Variants in G3BP2 observed in about 807,000 individuals in gnomAD.
The protein encoded by G3BP2 is ras GTPase-activating protein-binding protein 2.
Under a neutral mutation model 56.7 loss-of-function variants are expected in G3BP2, and 11 were observed. The ratio of observed to expected loss-of-function variants is 0.19; its 90% confidence interval spans 0.12 to 0.32. The LOEUF (loss-of-function observed/expected upper bound fraction) is 0.32, where lower values mean the gene tolerates loss of function less well. G3BP2 is among the 10% of genes least tolerant of loss of function. The probability of loss-of-function intolerance (pLI) is 1.00; values close to 1 mark genes in which losing one functional copy is unlikely to be tolerated. For synonymous variants in G3BP2, 165 were observed against 191.6 expected (o/e 0.86, Z 1.15); for missense variants, 340 against 610.9 (o/e 0.56, Z 4.67).
At chr4:75,709,697 C>T (rs919238847) in intron 3 of G3BP2, among the ~76,000 whole-genome samples, 3 of 151,910 alleles carry the variant, frequency 2.0e-5, no homozygotes, top group African/African-American at 7.3e-5. Flanking sequence ...TGTGGTGGGG[C>T]GGGTTTCAGA....
chr4:75,685,725 G>A (rs962083341), intron 3 of G3BP2, among the ~76,000 whole-genome samples: 1 of 152,056 alleles, frequency 6.6e-6, no homozygotes, highest in African/African-American at 2.4e-5. Context: ...ATAAACTATC[G>A]TGATTATTTT....
At chr4:75,716,085 T>G (rs1719916518) in intron 3 of G3BP2, among the ~76,000 whole-genome samples, 2 of 152,086 alleles carry the variant, frequency 1.3e-5, no homozygotes, top group Admixed American at 1.3e-4. Flanking sequence ...GTCACAGACT[T>G]TGTGCCCCTG....
chr4:75,699,955 G>A (rs1270792685), intron 3 of G3BP2, among the ~76,000 whole-genome samples: 2 of 151,438 alleles, frequency 1.3e-5, no homozygotes, highest in Non-Finnish European at 2.9e-5. Flanking sequence ...ATTTTTTTTA[G>A]TTCTAATCAT....
intron 1 of G3BP2, 172 bp from the exon 2 acceptor site, chr4:75,662,221 A>ATTTTT (rs33965828): frequency 3.5e-6 from 1 of 286,660 alleles, no homozygotes; most frequent in Non-Finnish European, 6.4e-6. Context: ...ACCTGAAATA[A>ATTTTT]TTTTTTTTTT....
chr4:75,714,181 T>C (rs2149112529), intron 3 of G3BP2, among the ~76,000 whole-genome samples: 1 of 152,390 alleles, frequency 6.6e-6, no homozygotes, highest in East Asian at 1.9e-4. Flanking sequence ...AATGGCAATG[T>C]ATCAGTGTTC....
At chr4:75,694,522 C>T (rs1309679829) in intron 3 of G3BP2, among the ~76,000 whole-genome samples, 16 of 152,082 alleles carry the variant, frequency 1.1e-4, no homozygotes, top group African/African-American at 2.7e-4. Flanking sequence ...GAGAATGGCG[C>T]GAACCCGGTA....
upstream of G3BP2, among the ~76,000 whole-genome samples, chr4:75,675,055 T>C (rs1395455898): frequency 6.6e-6 from 1 of 152,018 alleles, no homozygotes; most frequent in East Asian, 1.9e-4. Flanking sequence ...ATTTTATAGA[T>C]GAGAAAACAG....
Position 75,720,837 on chromosome 4 carries a change from AAAT to A in G3BP2, c.-25+37_-25+39del, listed in dbSNP as rs869290409. Reference sequence around the variant, plus strand: ...TAAATAAATAAATAAATAAATAAATAAATAAAAATATTTTGAAGCCTGGGGCAG... The same window carrying A: ...TAAATAAATAAATAAATAAATAAATAAAAAATATTTTGAAGCCTGGGGCAG... On this transcript the variant is annotated intron_variant, in intron 3 of 3. Coordinates refer to the G3BP2 transcript ENST00000499709. Among the ~76,000 whole-genome samples, 591 of 144,644 alleles carry A rather than the reference AAAT, an allele frequency of 4.1e-3. 4 individuals carry two copies. The highest frequency in any genetic ancestry group is 5.0e-3 in the Non-Finnish European group (321 of 64,608). 94.9% of individuals were successfully genotyped at this position (144,644 alleles called of 152,430 possible). A position where few individuals can be genotyped will look rare whatever the true frequency, so the allele number is the denominator to read the frequency against.
upstream of G3BP2, chr4:75,673,434 C>G: frequency 8.1e-7 from 1 of 1,232,338 alleles, no homozygotes; most frequent in East Asian, 3.2e-5. Flanking sequence ...TGCCACCGCC[C>G]CCTCTTATTG....
intron 3 of G3BP2, among the ~76,000 whole-genome samples, chr4:75,714,411 G>C (rs1231053209): frequency 2.0e-5 from 3 of 152,190 alleles, no homozygotes; most frequent in African/African-American, 4.8e-5. Context: ...CAGATCACGT[G>C]AGGTCAGGAG....
chr4:75,699,254 G>A (rs1719238147), intron 3 of G3BP2, among the ~76,000 whole-genome samples: 1 of 152,168 alleles, frequency 6.6e-6, no homozygotes, highest in South Asian at 2.1e-4. Flanking sequence ...TCCCTCTCTA[G>A]CAATCAGTCA....
chr4:75,721,852 GA>G (rs1191053794), intron 2 of G3BP2, among the ~76,000 whole-genome samples: 1 of 152,066 alleles, frequency 6.6e-6, no homozygotes, highest in Admixed American at 6.5e-5. Flanking sequence ...GTTTGGTTTA[GA>G]AAAAGATCAC....
intron 7 of G3BP2, 119 bp downstream of exon 7, chr4:75,654,947 T>C: frequency 1.4e-6 from 1 of 695,820 alleles, no homozygotes; most frequent in African/African-American, 1.8e-5. Flanking sequence ...CACAGCTTCT[T>C]TCATATACAT....
intron 3 of G3BP2, among the ~76,000 whole-genome samples, chr4:75,694,156 AGAG>A (rs1718998088): frequency 6.6e-6 from 1 of 152,234 alleles, no homozygotes; most frequent in Non-Finnish European, 1.5e-5. Flanking sequence ...ACGTGGAAGA[AGAG>A]GATGAGGAGA....
intron 1 of G3BP2, among the ~76,000 whole-genome samples, chr4:75,670,042 G>C (rs1330450488): frequency 6.6e-6 from 1 of 152,190 alleles, no homozygotes; most frequent in Non-Finnish European, 1.5e-5. Flanking sequence ...GCAGTGAGCT[G>C]AGTTGTAAGT....
At chr4:75,651,157 T>C (rs1731675628) in intron 8 of G3BP2, among the ~76,000 whole-genome samples, 2 of 152,218 alleles carry the variant, frequency 1.3e-5, no homozygotes, top group South Asian at 2.1e-4. Context: ...TACTTCAGTA[T>C]GAATATAAAC....
At chr4:75,695,104 T>C (rs1719048483) in intron 3 of G3BP2, among the ~76,000 whole-genome samples, 1 of 152,140 alleles carries the variant, frequency 6.6e-6, no homozygotes, top group African/African-American at 2.4e-5. Context: ...GATTTGGTTG[T>C]CAGGGAAGAG....
intron 3 of G3BP2, among the ~76,000 whole-genome samples, chr4:75,718,018 A>C (rs903833107): frequency 1.1e-4 from 17 of 152,064 alleles, no homozygotes; most frequent in Admixed American, 1.1e-3. Flanking sequence ...ACGCACCTAT[A>C]ATCCCAGCTA....
intron 3 of G3BP2, among the ~76,000 whole-genome samples, chr4:75,707,002 G>A (rs1719570494): frequency 6.6e-6 from 1 of 151,526 alleles, no homozygotes; most frequent in Non-Finnish European, 1.5e-5. Flanking sequence ...AGAGCAGCCT[G>A]ACCAACATGG....
Sources: gnomAD v4.1 joint callset for allele counts (sites outside exome capture counted in the v4.1 genomes callset) on GRCh38, gnomAD v4.1.1 for gene constraint, MANE v1.5 for transcripts, NCBI Gene and HGNC (gene_info 2026-07-23, HGNC 2026-07-21) for gene names.